Variants in NCALD observed in about 807,000 individuals in gnomAD.
NCALD encodes neurocalcin delta.
Under a neutral mutation model 18.6 loss-of-function variants are expected in NCALD, and 10 were observed. That is an observed-to-expected ratio of 0.54 (90% CI 0.33 to 0.91). The LOEUF (loss-of-function observed/expected upper bound fraction) is 0.91, where lower values mean the gene tolerates loss of function less well. NCALD is among the 40% of genes least tolerant of loss of function. The pLI is 0.03. For synonymous variants in NCALD, 88 were observed against 87.4 expected (o/e 1.01, Z -0.04); for missense variants, 184 against 247.6 (o/e 0.74, Z 1.72).
In NCALD at chr8:102,070,809, T is replaced by A. The variant is rs745827146; in HGVS notation, c.-209-50520A>T. Reference sequence around the variant, plus strand: ...TCACAGTCCCATGTGTCTTCAAAACTGGCAAGAATGGCTGCTTACCGGGAA... The same window carrying A: ...TCACAGTCCCATGTGTCTTCAAAACAGGCAAGAATGGCTGCTTACCGGGAA... On this transcript the variant is annotated intron_variant, in intron 1 of 6. Transcript: ENST00000311028. Among the ~76,000 whole-genome samples, 3 of 152,250 alleles carry A rather than the reference T, an allele frequency of 2.0e-5. No homozygotes were observed. The East Asian group carries it at 5.8e-4, about 29-fold the overall frequency.
At chr8:101,811,272 A>T (rs1478236366) in intron 4 of NCALD, among the ~76,000 whole-genome samples, 1 of 152,190 alleles carries the variant, frequency 6.6e-6, no homozygotes, top group Non-Finnish European at 1.5e-5. Context: ...TAGAAGAAGA[A>T]GGTAGAAATA....
At chr8:102,025,603 C>T (rs192325251) in intron 1 of NCALD, among the ~76,000 whole-genome samples, 1 of 152,364 alleles carries the variant, frequency 6.6e-6, no homozygotes, top group Admixed American at 6.5e-5. Flanking sequence ...CCTTGCAACT[C>T]AGCTGTGCCC....
At chr8:102,001,044 G>C (rs1385481392) in intron 2 of NCALD, among the ~76,000 whole-genome samples, 1 of 152,236 alleles carries the variant, frequency 6.6e-6, no homozygotes, top group Non-Finnish European at 1.5e-5. Flanking sequence ...TTGATGAGTA[G>C]AGAGAAGAAG....
rs192916753 is a variant in NCALD at position 101,852,207 on chromosome 8, G to C, written c.-20+34934C>G. Among the ~76,000 whole-genome samples the C allele has an allele frequency of 1.5e-3, 222 of 152,288 alleles. 1 individual carries two copies. Among genetic ancestry groups the C allele is most frequent in the Admixed American group, 5.9e-3 (91 of 15,304 alleles). On this transcript the variant is annotated intron_variant, in intron 4 of 6. Coordinates refer to the NCALD transcript ENST00000311028. ...ACTTGGATAAGGAAGTGTGAATTCAGCAGACAGGCAGTAACTTTTCTCGAG... is the reference window on the plus strand; with the variant it reads ...ACTTGGATAAGGAAGTGTGAATTCACCAGACAGGCAGTAACTTTTCTCGAG...
At chr8:101,905,975 G>A (rs1258329308) in intron 3 of NCALD, among the ~76,000 whole-genome samples, 1 of 152,218 alleles carries the variant, frequency 6.6e-6, no homozygotes, top group Non-Finnish European at 1.5e-5. Flanking sequence ...CACATTAACA[G>A]AATGAAGTAA....
At chr8:101,713,271 A>G (rs2130352874) in intron 2 of NCALD, among the ~76,000 whole-genome samples, 1 of 152,356 alleles carries the variant, frequency 6.6e-6, no homozygotes, top group South Asian at 2.1e-4. Flanking sequence ...GGACACAGCT[A>G]CAGCAGTGTT....
chr8:101,807,228 A>T (rs116848711), intron 4 of NCALD, among the ~76,000 whole-genome samples: 2,962 of 152,288 alleles, frequency 0.019, 47 homozygotes, highest in Middle Eastern at 0.041. Context: ...TTGTGTAATT[A>T]TAAAAGATGT....
At chr8:101,804,047 A>G (rs1812967495) in intron 4 of NCALD, among the ~76,000 whole-genome samples, 1 of 152,086 alleles carries the variant, frequency 6.6e-6, no homozygotes, top group African/African-American at 2.4e-5. Flanking sequence ...CAGCCTGATC[A>G]GTCAGCAGCC....
At chr8:101,724,639 C>T (rs543315841) in intron 1 of NCALD, among the ~76,000 whole-genome samples, 1 of 152,340 alleles carries the variant, frequency 6.6e-6, no homozygotes, top group East Asian at 1.9e-4. Flanking sequence ...AAAATGATGC[C>T]TTATCCTAGA....
At chr8:101,760,650 C>T (rs1811074345) in intron 1 of NCALD, among the ~76,000 whole-genome samples, 1 of 152,184 alleles carries the variant, frequency 6.6e-6, no homozygotes. Context: ...TACAGCAACT[C>T]AGCTTTAAGT....
intron 2 of NCALD, among the ~76,000 whole-genome samples, chr8:101,983,368 C>T (rs1250281216): frequency 6.6e-6 from 1 of 152,166 alleles, no homozygotes; most frequent in African/African-American, 2.4e-5. Flanking sequence ...GTTCCCTAAC[C>T]CCAGGACTCC....
intron 2 of NCALD, among the ~76,000 whole-genome samples, chr8:101,941,446 C>A (rs1358079618): frequency 6.6e-6 from 1 of 152,206 alleles, no homozygotes; most frequent in African/African-American, 2.4e-5. Flanking sequence ...AACCTGGTTC[C>A]TAACAGGCCA....
chr8:101,717,687 CAAAGA>C (rs1421770376), intron 2 of NCALD, among the ~76,000 whole-genome samples: 2 of 151,846 alleles, frequency 1.3e-5, no homozygotes, highest in African/African-American at 2.4e-5. Flanking sequence ...CCAGCTACAA[CAAAGA>C]AAAGACGGCC....
In NCALD at chr8:101,731,994, G is replaced by A. The variant is rs530232575; in HGVS notation, c.-19-12346C>T. On this transcript the variant is annotated intron_variant, in intron 1 of 3. Transcript: ENST00000220931. ...CTCTTCACCATCAGACCACCTGGCC[G>A]TCAGACCATTGCAACAGAGCTGCCT... is the stretch of plus-strand genomic sequence containing the variant. Among the ~76,000 whole-genome samples the A allele has an allele frequency of 1.7e-3, 258 of 152,290 alleles. 1 individual carries two copies. The highest frequency in any genetic ancestry group is 2.4e-3 in the Non-Finnish European group (160 of 68,004).
chr8:101,714,962 A>C (rs562258171), intron 2 of NCALD, among the ~76,000 whole-genome samples: 1 of 149,698 alleles, frequency 6.7e-6, no homozygotes, highest in South Asian at 2.1e-4. Context: ...GCGCCACTGC[A>C]GTCCACAGTC....
At chr8:101,988,154 C>CAAAAAAAAAAAAAAAAAAAAAAAAA (rs141735735) in intron 2 of NCALD, among the ~76,000 whole-genome samples, 2 of 37,174 alleles carry the variant, frequency 5.4e-5, no homozygotes, top group Admixed American at 6.1e-4. Context: ...GACTCCGTCT[C>CAAAAAAAAAAAAAAAAAAAAAAAAA]AAAAAAAAAA....
chr8:101,763,971 CA>C (rs1241238832), intron 1 of NCALD, among the ~76,000 whole-genome samples: 112 of 17,094 alleles, frequency 6.6e-3, no homozygotes, highest in African/African-American at 9.8e-3. Flanking sequence ...TCTCTCCACA[CA>C]CACACACACA....
chr8:101,995,182 G>C (rs1586890531), intron 2 of NCALD, among the ~76,000 whole-genome samples: 9 of 152,160 alleles, frequency 5.9e-5, no homozygotes, highest in Admixed American at 5.9e-4. Flanking sequence ...CTGATGAAGG[G>C]AAAGCCAATT....
intron 1 of NCALD, among the ~76,000 whole-genome samples, chr8:101,736,249 G>A (rs193278778): frequency 5.3e-5 from 8 of 152,218 alleles, no homozygotes; most frequent in East Asian, 1.9e-4. Flanking sequence ...AAACCTGTTC[G>A]TATCCCTTTA....
Sources: gnomAD v4.1 joint callset for allele counts (sites outside exome capture counted in the v4.1 genomes callset) on GRCh38, gnomAD v4.1.1 for gene constraint, MANE v1.5 for transcripts, NCBI Gene and HGNC (gene_info 2026-07-23, HGNC 2026-07-21) for gene names.